MYO16: variants seen among roughly 807,000 people sequenced by gnomAD.
MYO16 encodes unconventional myosin-XVI.
In MYO16, 94 loss-of-function variants were observed where a neutral mutation model predicts 205.3. The ratio of observed to expected loss-of-function variants is 0.46; its 90% CI spans 0.39 to 0.54. The LOEUF is 0.54. MYO16 is among the 20% of genes least tolerant of loss of function. The pLI, the probability that MYO16 is intolerant of heterozygous loss-of-function variation, is 0.00. For synonymous variants in MYO16, 988 were observed against 954.0 expected (o/e 1.04, Z -0.66); for missense variants, 2,315 against 2,387.5 (o/e 0.97, Z 0.63).
chr13:108,763,787 TTGTGTG>T (rs56115831), intron 4 of MYO16, among the ~76,000 whole-genome samples: 228 of 142,600 alleles, frequency 1.6e-3, no homozygotes, highest in Admixed American at 4.9e-3. Flanking sequence ...AGAAAAGGAG[TTGTGTG>T]TGTGTGTGTG....
intron 4 of MYO16, among the ~76,000 whole-genome samples, chr13:108,757,246 T>C (rs1345179239): frequency 2.0e-5 from 3 of 152,212 alleles, no homozygotes; most frequent in Non-Finnish European, 4.4e-5. Flanking sequence ...AATGTATTTA[T>C]TCACTTCTGA....
chr13:108,917,889 C>A (rs1053954207), intron 16 of MYO16, among the ~76,000 whole-genome samples: 2 of 152,236 alleles, frequency 1.3e-5, no homozygotes, highest in Non-Finnish European at 2.9e-5. Flanking sequence ...TGTCATTGAG[C>A]ACTTCTCATA....
upstream of MYO16, among the ~76,000 whole-genome samples, chr13:108,595,691 A>T (rs1405501041): frequency 6.6e-6 from 1 of 152,052 alleles, no homozygotes; most frequent in East Asian, 1.9e-4. Context: ...GATCCTTCCA[A>T]TAAATAACGC....
chr13:108,501,565 T>A, the MYO16 span, among the ~76,000 whole-genome samples: 1 of 152,250 alleles, frequency 6.6e-6, no homozygotes, highest in Non-Finnish European at 1.5e-5. Flanking sequence ...TTATTTTCCC[T>A]GTGCTCTTAG....
At chr13:108,628,665 CTTG>C (rs914502564), upstream of MYO16, among the ~76,000 whole-genome samples, 1 of 152,072 alleles carries the variant, frequency 6.6e-6, no homozygotes, top group Non-Finnish European at 1.5e-5. Flanking sequence ...GTCATGACCC[CTTG>C]TTGTATAGAT....
At chr13:108,836,700 A>C (rs573489475) in intron 9 of MYO16, among the ~76,000 whole-genome samples, 1 of 152,210 alleles carries the variant, frequency 6.6e-6, no homozygotes, top group East Asian at 1.9e-4. Flanking sequence ...GTGGAGTCAA[A>C]AGAGAATCGT....
At chr13:108,706,934 C>G (rs1023184257) in intron 2 of MYO16, among the ~76,000 whole-genome samples, 1 of 152,170 alleles carries the variant, frequency 6.6e-6, no homozygotes, top group African/African-American at 2.4e-5. Context: ...CGGGGTGCTT[C>G]AAGCTAATTG....
At chr13:108,964,538 G>C (rs1305833027) in intron 19 of MYO16, among the ~76,000 whole-genome samples, 1 of 152,134 alleles carries the variant, frequency 6.6e-6, no homozygotes, top group Non-Finnish European at 1.5e-5. Context: ...GAACGCTGTG[G>C]TCAACAATTC....
the MYO16 span, among the ~76,000 whole-genome samples, chr13:108,521,786 G>GA: frequency 1.0e-2 from 1,511 of 151,752 alleles, 11 homozygotes; most frequent in Non-Finnish European, 0.014. Context: ...TCTGAATGTG[G>GA]AAAAAAAATA....
rs112086038 is a variant in MYO16, at chr13:108,984,803, C to A, written c.2370-7573C>A. 8.4e-3 allele frequency among the ~76,000 whole-genome samples: 1,283 copies of A among 152,270 alleles called. 13 individuals carry two copies. The highest frequency in any genetic ancestry group is 0.029 in the African/African-American group (1,199 of 41,554). On this transcript the variant is annotated intron_variant, in intron 20 of 34. Transcript: ENST00000457511. ...TCAAATACACCTCACGGCTCAGTCT[C>A]CTTTCAAGCCTATCCTTATGTTAAT...
upstream of MYO16, among the ~76,000 whole-genome samples, chr13:108,593,334 G>C (rs1878453846): frequency 6.6e-6 from 1 of 152,142 alleles, no homozygotes; most frequent in Non-Finnish European, 1.5e-5. Flanking sequence ...CACAAGGCAG[G>C]CTGGAGTTGG....
chr13:108,859,482 C>T (rs1352964283), intron 11 of MYO16, among the ~76,000 whole-genome samples: 1 of 152,048 alleles, frequency 6.6e-6, no homozygotes, highest in Non-Finnish European at 1.5e-5. Flanking sequence ...TGCTACAGTC[C>T]GATTTTTTTT....
chr13:108,584,696 C>A, the MYO16 span, among the ~76,000 whole-genome samples: 1 of 152,082 alleles, frequency 6.6e-6, no homozygotes, highest in Non-Finnish European at 1.5e-5. Context: ...TTTTTTAGCT[C>A]CCACATATGA....
chr13:108,766,751 A>G (rs1234642745), intron 4 of MYO16, among the ~76,000 whole-genome samples: 1 of 152,156 alleles, frequency 6.6e-6, no homozygotes, highest in Non-Finnish European at 1.5e-5. Context: ...TTAAAGACTC[A>G]TAGGTTTGCT....
chr13:109,162,242 CAGCCTGAAGTACTCAGACTG>C lies in MYO16; in HGVS notation c.5165-2656_5165-2637del, dbSNP rs1423130860. Among the ~76,000 whole-genome samples the C allele has an allele frequency of 1.3e-5, 2 of 152,124 alleles. No homozygotes were observed. The highest frequency in any genetic ancestry group is 4.8e-5 in the African/African-American group (2 of 41,412). ...GATAGAAATCAGTTGTGAGGGAGGCCAGCCTGAAGTACTCAGACTGAGAGTCAGCAAGTGCCTTAGAGGAT... is the reference window on the plus strand; with the variant it reads ...GATAGAAATCAGTTGTGAGGGAGGCCAGAGTCAGCAAGTGCCTTAGAGGAT... On this transcript the variant is annotated intron_variant, in intron 32 of 34. Coordinates refer to ENST00000457511, the MANE Select transcript of MYO16 (RefSeq NM_001198950.3). The surrounding 1 kb of genome is among the most constrained non-coding windows in gnomAD (Gnocchi z 4.6).
At chr13:108,874,755 CACAA>C (rs1225502615) in intron 12 of MYO16, among the ~76,000 whole-genome samples, 32 of 150,502 alleles carry the variant, frequency 2.1e-4, no homozygotes, top group Non-Finnish European at 7.4e-5. Context: ...CTTTTGTAAA[CACAA>C]ACACATACTT....
At chr13:108,696,663 T>C (rs1883102192) in intron 2 of MYO16, among the ~76,000 whole-genome samples, 1 of 152,192 alleles carries the variant, frequency 6.6e-6, no homozygotes, top group Admixed American at 6.5e-5. Flanking sequence ...GAATGATAGT[T>C]ACACAGGTGT....
At chr13:109,203,702 T>C (rs1880490503) in intron 34 of MYO16, among the ~76,000 whole-genome samples, 1 of 152,176 alleles carries the variant, frequency 6.6e-6, no homozygotes, top group South Asian at 2.1e-4. Context: ...CCACACACTT[T>C]CAAAATCCAG....
In MYO16 at chr13:108,844,610, G is replaced by A. The variant is rs1169003994; in HGVS notation, c.1248+117G>A. On this transcript the variant is annotated intron_variant, in intron 10 of 34. Transcript: ENST00000457511. ...TAATTTGCATTCAAAGACAATTAAT[G>A]CATAGATTAATATTTTGCTTGCAGT... is the stretch of plus-strand genomic sequence containing the variant. The A allele has an allele frequency of 2.9e-6, 3 of 1,028,876 alleles. No homozygotes were observed. In the Admixed American group the frequency reaches 9.1e-5, roughly 31 times the overall value. 63.7% of individuals were successfully genotyped at this position (1,028,876 alleles called of 1,614,324 possible). A position where few individuals can be genotyped will look rare whatever the true frequency, so the allele number is the denominator to read the frequency against.
Sources: gnomAD v4.1 joint callset for allele counts (sites outside exome capture counted in the v4.1 genomes callset) on GRCh38, gnomAD v4.1.1 for gene constraint, Gnocchi (gnomAD v3.1) non-coding constraint, MANE v1.5 for transcripts, NCBI Gene and HGNC (gene_info 2026-07-23, HGNC 2026-07-21) for gene names.